The following MTMR3 variants were observed in gnomAD, a reference collection of about 807,000 sequenced individuals.
MTMR3 encodes phosphatidylinositol-3,5-bisphosphate 3-phosphatase MTMR3.
MTMR3 carries 32 observed loss-of-function variants against 132.4 expected under a neutral mutation model. The ratio of observed to expected loss-of-function variants is 0.24; its 90% CI spans 0.18 to 0.32. The LOEUF (loss-of-function observed/expected upper bound fraction) is 0.32. MTMR3 is among the 10% of genes least tolerant of loss of function. MTMR3 has a pLI of 1.00. For synonymous variants in MTMR3, 556 were observed against 550.3 expected (o/e 1.01, Z -0.14); for missense variants, 1,216 against 1,489.6 (o/e 0.82, Z 3.02).
chr22:29,978,459 C>T lies in MTMR3; in HGVS notation c.21C>T (p.His7=). The change falls in exon 4 of 20, where the codon CAC becomes CAT. Residue 7 remains histidine, a synonymous_variant. Transcript: ENST00000401950. MDEETR[H]SLECIQANQI... Reference sequence around the variant, plus strand: ...TTTTCCAGGATGAAGAGACTCGGCACAGCCTTGAGTGCATCCAGGCCAATC... The same window carrying T: ...TTTTCCAGGATGAAGAGACTCGGCATAGCCTTGAGTGCATCCAGGCCAATC... 1 of 1,612,666 alleles carries T rather than the reference C, an allele frequency of 6.2e-7. No homozygotes were observed. Among genetic ancestry groups the T allele is most frequent in the Non-Finnish European group, 8.5e-7 (1 of 1,178,978 alleles).
rs1368122117 is a variant in MTMR3 at position 29,976,301 on chromosome 22, T to C, written c.4-2141T>C. ...CTTTTGTTGTTACTGTTTGTTTTTT[T>C]CCTAATAGTGTCTTTTGGAAAAAAG... On this transcript the variant is annotated intron_variant, in intron 3 of 19. Transcript: ENST00000401950. 2.6e-5 allele frequency among the ~76,000 whole-genome samples: 4 copies of C among 152,320 alleles called. No individual in the cohort carries two copies. In the South Asian group the frequency reaches 6.2e-4, roughly 24 times the overall value.
chr22:29,940,293 A>AT (rs1339498421), intron 1 of MTMR3, among the ~76,000 whole-genome samples: 2 of 152,108 alleles, frequency 1.3e-5, no homozygotes, highest in Non-Finnish European at 2.9e-5. Context: ...ACTTTGTAAT[A>AT]TTCTCCCTGC....
rs1365321140 is a variant in MTMR3 at position 29,949,140 on chromosome 22, CACA to C, written c.-137-7895_-137-7893del. Reference sequence around the variant, plus strand: ...ACACACACACACACACACACACACACACACCCCCCCCCCCCCCCCCGAGGCCCT... The same window carrying C: ...ACACACACACACACACACACACACACCCCCCCCCCCCCCCCCCGAGGCCCT... On this transcript the variant is annotated intron_variant, in intron 1 of 19. Coordinates refer to ENST00000401950, the MANE Select transcript of MTMR3 (RefSeq NM_021090.4). 3.4e-3 allele frequency among the ~76,000 whole-genome samples: 97 copies of C among 28,504 alleles called. 1 individual carries two copies. The highest frequency in any genetic ancestry group is 0.015 in the African/African-American group (82 of 5,412). The allele number at this position is 28,504 out of a possible 152,430, so 18.7% of individuals were successfully genotyped here.
intron 1 of MTMR3, among the ~76,000 whole-genome samples, chr22:29,893,452 G>A (rs2064835883): frequency 6.6e-6 from 1 of 152,140 alleles, no homozygotes; most frequent in Non-Finnish European, 1.5e-5. Flanking sequence ...CGTACATAAT[G>A]GTTCCCAAAA....
At chr22:29,927,558 G>GT (rs1240860643) in intron 1 of MTMR3, among the ~76,000 whole-genome samples, 1 of 151,928 alleles carries the variant, frequency 6.6e-6, no homozygotes, top group Non-Finnish European at 1.5e-5. Context: ...TTAAATTCTT[G>GT]TTTTTTTATT....
chr22:29,988,650 AC>A (rs1337324418), intron 6 of MTMR3, 88 bp downstream of exon 6: 3 of 929,874 alleles, frequency 3.2e-6, no homozygotes, highest in Admixed American at 2.4e-5. Flanking sequence ...TTAGTAAAAT[AC>A]CTTTTGATGA....
intron 1 of MTMR3, among the ~76,000 whole-genome samples, chr22:29,910,040 C>G (rs1297937255): frequency 6.6e-6 from 1 of 151,970 alleles, no homozygotes; most frequent in Non-Finnish European, 1.5e-5. Flanking sequence ...GCCTGTAGTC[C>G]CCACTACTCG....
intron 1 of MTMR3, among the ~76,000 whole-genome samples, chr22:29,900,890 G>A (rs937769078): frequency 1.3e-5 from 2 of 151,960 alleles, no homozygotes; most frequent in African/African-American, 4.8e-5. Context: ...ATTTTTTTGT[G>A]TATTTTATAG....
At chr22:29,974,928 A>T (rs1333396685) in intron 3 of MTMR3, among the ~76,000 whole-genome samples, 2 of 152,214 alleles carry the variant, frequency 1.3e-5, no homozygotes, top group Non-Finnish European at 2.9e-5. Flanking sequence ...TTGGTTTATG[A>T]GAAAAATCTC....
At position 30,019,676 on chromosome 22, in the gene MTMR3, C is replaced by T; in HGVS notation, c.2017C>T (p.Pro673Ser). The T allele has an allele frequency of 6.2e-7, 1 of 1,614,186 alleles. No homozygotes were observed. The highest frequency in any genetic ancestry group is 8.5e-7 in the Non-Finnish European group (1 of 1,180,034). Reference protein sequence around the residue: ...ADSLGKPTRVPGGAELSVAAG... With the variant: ...ADSLGKPTRVSGGAELSVAAG... ...CAGCCTAGGGAAGCCCACCAGAGTG[C>T]CGGGGGGTGCCGAGCTTTCTGTTGC... Residue 673 changes from proline to serine, a missense_variant, in exon 17 of 20, where the codon CCG becomes TCG. Physicochemically the swap from Pro to Ser is moderately conservative, Grantham distance 74. This residue lies in a region of MTMR3 where 852 missense variants were observed against 852.0 expected (regional missense o/e 1.00). Coordinates refer to ENST00000401950, the MANE Select transcript of MTMR3 (RefSeq NM_021090.4).
At chr22:29,957,937 C>T (rs773944177) in intron 2 of MTMR3, among the ~76,000 whole-genome samples, 13 of 152,198 alleles carry the variant, frequency 8.5e-5, no homozygotes, top group Admixed American at 1.3e-4. Context: ...TAATCTGTCA[C>T]TGTTTCTAAT....
At position 29,949,124 on chromosome 22, in the gene MTMR3, CACACACACACACACACACA is replaced by C. The variant is rs1569019514; in HGVS notation, c.-137-7911_-137-7893del. Among the ~76,000 whole-genome samples, 74 of 39,230 alleles carry C rather than the reference CACACACACACACACACACA, an allele frequency of 1.9e-3. 1 individual carries two copies. The highest frequency in any genetic ancestry group is 8.5e-3 in the African/African-American group (69 of 8,100). The allele number at this position is 39,230 out of a possible 152,430, so 25.7% of individuals were successfully genotyped here. On this transcript the variant is annotated intron_variant, in intron 1 of 19. Coordinates refer to ENST00000401950, the MANE Select transcript of MTMR3 (RefSeq NM_021090.4). ...ACACACACACACACACACACACACA[CACACACACACACACACACA>C]CCCCCCCCCCCCCCCCCGAGGCCCT...
chr22:29,969,520 CT>C (rs146551289), intron 2 of MTMR3, among the ~76,000 whole-genome samples: 1 of 151,546 alleles, frequency 6.6e-6, no homozygotes, highest in South Asian at 2.1e-4. Context: ...CAAAATGATT[CT>C]TTTTTTTGTT....
At position 30,025,769 on chromosome 22, in the gene MTMR3, C is replaced by G; in HGVS notation, c.3565C>G (p.Leu1189Val). 1 of 1,614,172 alleles carries G rather than the reference C, an allele frequency of 6.2e-7. No homozygotes were observed. Among genetic ancestry groups the G allele is most frequent in the South Asian group, 1.1e-5 (1 of 91,082 alleles). Residue 1189 changes from leucine (L) to valine (V), a missense_variant, in exon 20 of 20, where the codon CTG (leucine) becomes GTG (valine). By Grantham distance (32) the Leu-to-Val change is conservative (BLOSUM62 1). Coordinates refer to ENST00000401950, the MANE Select transcript of MTMR3 (RefSeq NM_021090.4). ...HPTSSSIDLE[L>V]DKPIAATSN Reference sequence around the variant, plus strand: ...CACAAGCTCCAGCATTGACCTTGAACTGGATAAGCCCATTGCTGCCACTTC... The same window carrying G: ...CACAAGCTCCAGCATTGACCTTGAAGTGGATAAGCCCATTGCTGCCACTTC...
chr22:29,952,044 A>G (rs1280151507), intron 1 of MTMR3, among the ~76,000 whole-genome samples: 1 of 151,830 alleles, frequency 6.6e-6, no homozygotes, highest in Non-Finnish European at 1.5e-5. Context: ...ATGTGCCACC[A>G]CGCCCAGCTA....
At chr22:29,972,717 C>T (rs551880966) in intron 3 of MTMR3, among the ~76,000 whole-genome samples, 2 of 152,224 alleles carry the variant, frequency 1.3e-5, no homozygotes, top group South Asian at 4.1e-4. Context: ...ATTACAGGCA[C>T]CTGCCACCAT....
chr22:29,928,171 CT>C (rs66896756), intron 1 of MTMR3, among the ~76,000 whole-genome samples: 65,477 of 107,606 alleles, frequency 0.61, 19,314 homozygotes, highest in East Asian at 0.77. Context: ...TTTTTTTTTT[CT>C]TTTTTTTTTT....
chr22:29,947,689 A>G (rs895926549), intron 1 of MTMR3, among the ~76,000 whole-genome samples: 2 of 152,142 alleles, frequency 1.3e-5, no homozygotes, highest in Non-Finnish European at 2.9e-5. Context: ...TTAACTTGGT[A>G]CTTTTGCCTT....
chr22:29,898,440 T>C (rs2145720788), intron 1 of MTMR3, among the ~76,000 whole-genome samples: 1 of 152,256 alleles, frequency 6.6e-6, no homozygotes, highest in African/African-American at 2.4e-5. Context: ...TAGGTCTCTG[T>C]CCCTCAGGCT....
Sources: allele counts gnomAD v4.1 joint callset (sites outside exome capture counted in the v4.1 genomes callset), GRCh38; gene constraint gnomAD v4.1.1; regional missense constraint gnomAD v4.1.1; transcripts MANE v1.5; gene names NCBI Gene and HGNC (gene_info 2026-07-23, HGNC 2026-07-21).